The following MID1 variants were observed in gnomAD, a reference collection of about 807,000 sequenced individuals.
The protein encoded by MID1 is E3 ubiquitin-protein ligase Midline-1.
In MID1, 7 loss-of-function variants were observed where a neutral mutation model predicts 40.4. That is an observed-to-expected ratio of 0.17 (90% CI 0.10 to 0.33). MID1 has a LOEUF of 0.33. Ranked by LOEUF, MID1 falls within the 10% of genes least tolerant of loss-of-function variation. The pLI is 1.00. For missense variants in MID1, 367 were observed against 558.5 expected (o/e 0.66, Z 3.46); for synonymous variants, 229 against 221.2 (o/e 1.04, Z -0.31).
At chrX:10,451,932 G>C (rs965368499) in intron 9 of MID1, among the ~76,000 whole-genome samples, 1 of 111,594 alleles carries the variant, frequency 9.0e-6, no homozygotes, top group Non-Finnish European at 1.9e-5. Flanking sequence ...ATTTTGGAAA[G>C]GTTTTCATTT....
chrX:10,676,359 CCAGA>C (rs769242362), intron 1 of MID1, among the ~76,000 whole-genome samples: 14 of 112,101 alleles, frequency 1.2e-4, no homozygotes, highest in Non-Finnish European at 2.4e-4. Flanking sequence ...TCCTCATACA[CCAGA>C]CAGAGACGAT....
chrX:10,482,372 T>C (rs1930377819), intron 5 of MID1, 108 bp downstream of exon 5: 1 of 854,223 alleles, frequency 1.2e-6, no homozygotes, highest in South Asian at 2.0e-5. Flanking sequence ...TCTCTGGTAC[T>C]GAGCCTTGAA....
At chrX:10,449,809 T>C (rs1218873049) in intron 9 of MID1, 93 bp from the exon 10 acceptor site, 2 of 661,122 alleles carry the variant, frequency 3.0e-6, no homozygotes, top group Non-Finnish European at 4.9e-6. Flanking sequence ...TATAAAAACA[T>C]GATCATTTGT....
At chrX:10,587,645 C>A in intron 1 of MID1, among the ~76,000 whole-genome samples, 1 of 112,689 alleles carries the variant, frequency 8.9e-6, no homozygotes, top group Non-Finnish European at 1.9e-5. Context: ...GTTTAACGTG[C>A]ACATGGAATA....
intron 1 of MID1, among the ~76,000 whole-genome samples, chrX:10,815,655 A>G (rs2044130836): frequency 8.9e-6 from 1 of 112,664 alleles, no homozygotes; most frequent in African/African-American, 3.2e-5. Flanking sequence ...GCTCTGTGAC[A>G]CTTTTCATCA....
At chrX:10,533,377 A>AAAGG (rs1569089789) in intron 2 of MID1, among the ~76,000 whole-genome samples, 1 of 58,642 alleles carries the variant, frequency 1.7e-5, no homozygotes, top group African/African-American at 7.4e-5. Flanking sequence ...AGAAAGAAAG[A>AAAGG]AAAAGAAAGA....
intron 3 of MID1, among the ~76,000 whole-genome samples, chrX:10,514,242 C>T (rs185046308): frequency 8.9e-5 from 10 of 111,983 alleles, no homozygotes; most frequent in Middle Eastern, 4.6e-3. Context: ...GATTTGCAGA[C>T]GATGAAAGGT....
chrX:10,478,445 T>C (rs1930130301), intron 5 of MID1, among the ~76,000 whole-genome samples: 1 of 112,038 alleles, frequency 8.9e-6, no homozygotes, highest in African/African-American at 3.2e-5. Context: ...GAATAATTAG[T>C]CCCGTCTTAC....
intron 1 of MID1, among the ~76,000 whole-genome samples, chrX:10,658,072 A>G (rs2042887430): frequency 9.0e-6 from 1 of 111,239 alleles, no homozygotes; most frequent in South Asian, 3.8e-4. Flanking sequence ...TTGAAGAAAG[A>G]CCTCTCTATA....
upstream of MID1, among the ~76,000 whole-genome samples, chrX:10,623,567 G>T (rs938042047): frequency 1.8e-5 from 2 of 111,984 alleles, no homozygotes; most frequent in African/African-American, 6.5e-5. Flanking sequence ...GTTCTGGGTG[G>T]ATAGTCCTGG....
At chrX:10,823,381 C>T (rs1023315242) in intron 1 of MID1, among the ~76,000 whole-genome samples, 1 of 111,090 alleles carries the variant, frequency 9.0e-6, no homozygotes, top group African/African-American at 3.3e-5. Context: ...GGGCTTAATA[C>T]CTAGGTGATG....
At chrX:10,698,430 A>G (rs1160037257) in intron 1 of MID1, among the ~76,000 whole-genome samples, 1 of 112,210 alleles carries the variant, frequency 8.9e-6, no homozygotes, top group East Asian at 2.8e-4. Context: ...TCTTATGCAC[A>G]GCTTATGTCT....
chrX:10,636,611 C>G (rs751526946), intron 1 of MID1, among the ~76,000 whole-genome samples: 21 of 107,273 alleles, frequency 2.0e-4, no homozygotes, highest in Non-Finnish European at 1.9e-4. Flanking sequence ...TTCTCTTGAC[C>G]TCCACTCTCC....
chrX:10,667,638 G>C (rs1161262293), intron 1 of MID1, among the ~76,000 whole-genome samples: 1 of 111,659 alleles, frequency 9.0e-6, no homozygotes, highest in Non-Finnish European at 1.9e-5. Context: ...GGGTGTGTGG[G>C]GGGAGTCTTT....
chrX:10,453,917 G>A (rs1398700292), intron 9 of MID1, among the ~76,000 whole-genome samples: 1 of 112,189 alleles, frequency 8.9e-6, no homozygotes. Context: ...TTGTAGGGCT[G>A]TAAGGCTGAA....
chrX:10,581,330 T>C (rs1225533909), intron 1 of MID1, among the ~76,000 whole-genome samples: 2 of 112,290 alleles, frequency 1.8e-5, no homozygotes, highest in Non-Finnish European at 3.8e-5. Context: ...ATAACCTGAG[T>C]TCAAATCCTG....
intron 1 of MID1, among the ~76,000 whole-genome samples, chrX:10,694,801 AAG>A (rs1451849860): frequency 2.7e-5 from 3 of 112,308 alleles, no homozygotes; most frequent in African/African-American, 9.7e-5. Flanking sequence ...TTATGACACT[AAG>A]AGAAATCTGA....
intron 1 of MID1, among the ~76,000 whole-genome samples, chrX:10,825,330 A>G (rs1355997322): frequency 1.8e-5 from 2 of 111,993 alleles, no homozygotes; most frequent in Admixed American, 9.4e-5. Flanking sequence ...TCCTAACCCT[A>G]TGGCTGCAGC....
chrX:10,755,934 G>T (rs2043630436), intron 1 of MID1, among the ~76,000 whole-genome samples: 1 of 112,111 alleles, frequency 8.9e-6, no homozygotes, highest in Non-Finnish European at 1.9e-5. Flanking sequence ...TCCTGTGCTT[G>T]CCCGCCCACA....
Sources: allele counts gnomAD v4.1 joint callset (sites outside exome capture counted in the v4.1 genomes callset), GRCh38; gene constraint gnomAD v4.1.1; transcripts MANE v1.5; gene names NCBI Gene and HGNC (gene_info 2026-07-23, HGNC 2026-07-21).